RNF20: variants seen among roughly 807,000 people sequenced by gnomAD.
RNF20 encodes the protein E3 ubiquitin-protein ligase BRE1A.
A neutral mutation model predicts 126.2 loss-of-function variants in RNF20; 84 were observed. The ratio of observed to expected loss-of-function variants is 0.67; its 90% CI spans 0.56 to 0.80. RNF20 has a LOEUF of 0.80. Among genes scored for constraint, RNF20 ranks in the 30% least tolerant of loss-of-function variants. RNF20 has a pLI of 0.00. For synonymous variants in RNF20, 400 were observed against 414.3 expected (o/e 0.97, Z 0.42); for missense variants, 869 against 1,188.2 (o/e 0.73, Z 3.95).
chr9:101,554,949 T>G (rs1827510347), intron 15 of RNF20, 106 bp downstream of exon 15: 2 of 742,336 alleles, frequency 2.7e-6, no homozygotes, highest in Non-Finnish European at 3.9e-6. Flanking sequence ...TTTTGATTGT[T>G]AATGTGTATT....
At chr9:101,555,098 T>C (rs533944866) in intron 15 of RNF20, among the ~76,000 whole-genome samples, 1 of 152,260 alleles carries the variant, frequency 6.6e-6, no homozygotes, top group East Asian at 1.9e-4. Context: ...TTCTCTGCTG[T>C]TGTTCAGACA....
chr9:101,546,474 CA>C (rs1827349035), intron 6 of RNF20, among the ~76,000 whole-genome samples: 1 of 151,978 alleles, frequency 6.6e-6, no homozygotes, highest in South Asian at 2.1e-4. Context: ...TCTTACAAAA[CA>C]AAAGATACTA....
intron 16 of RNF20, among the ~76,000 whole-genome samples, chr9:101,559,735 T>C (rs1827596403): frequency 6.6e-6 from 1 of 152,194 alleles, no homozygotes; most frequent in South Asian, 2.1e-4. Context: ...GAGCTCTGAT[T>C]TGTGTACATT....
chr9:101,549,243 C>T (rs1827403009), intron 9 of RNF20, among the ~76,000 whole-genome samples: 1 of 152,188 alleles, frequency 6.6e-6, no homozygotes, highest in South Asian at 2.1e-4. Context: ...ATAAGGAGAG[C>T]AAGCCATCTC....
chr9:101,543,003 A>G (rs537347063), intron 5 of RNF20, among the ~76,000 whole-genome samples: 2 of 152,312 alleles, frequency 1.3e-5, no homozygotes, highest in East Asian at 1.9e-4. Context: ...ACATTCCTCA[A>G]ATTCCTAGGA....
chr9:101,556,827 G>GA (rs796400842), intron 15 of RNF20, among the ~76,000 whole-genome samples: 7 of 152,134 alleles, frequency 4.6e-5, no homozygotes, highest in South Asian at 2.1e-4. Context: ...CCAAAATAGG[G>GA]AAAAAAACTC....
At chr9:101,542,792 A>G (rs1273053374) in intron 5 of RNF20, among the ~76,000 whole-genome samples, 2 of 152,238 alleles carry the variant, frequency 1.3e-5, no homozygotes, top group African/African-American at 4.8e-5. Context: ...TAAAATTACT[A>G]TTTAATGGCA....
At chr9:101,544,617 A>C (rs1827317139) in intron 5 of RNF20, 150 bp from the exon 6 acceptor site, 1 of 541,418 alleles carries the variant, frequency 1.8e-6, no homozygotes, top group Admixed American at 3.0e-5. Flanking sequence ...GAGGCAGGAG[A>C]ATCGGCTCGA....
At chr9:101,555,037 A>C (rs1196455970) in intron 15 of RNF20, among the ~76,000 whole-genome samples, 194 bp downstream of exon 15, 2 of 151,910 alleles carry the variant, frequency 1.3e-5, no homozygotes, top group Non-Finnish European at 2.9e-5. Context: ...TGTATTTGTG[A>C]GGCAAGAAAT....
At position 101,540,657 on chromosome 9, in the gene RNF20, T is replaced by G. The variant is rs759536223; in HGVS notation, c.445+20T>G. ...AGAGAGGCAAGTGTTCGTGATGGAT[T>G]CTATCACTGCATGCTATCTGGGTTT... On this transcript the variant is annotated intron_variant, in intron 4 of 19. Coordinates refer to ENST00000389120, the MANE Select transcript of RNF20 (RefSeq NM_019592.7). 3.7e-6 allele frequency: 6 copies of G among 1,613,506 alleles called. No individual in the cohort carries two copies. Among genetic ancestry groups the G allele is most frequent in the Non-Finnish European group, 5.1e-6 (6 of 1,179,614 alleles).
rs761670513 is a variant in RNF20 at position 101,552,728 on chromosome 9, A to G, written c.1876A>G (p.Ile626Val). The G allele has an allele frequency of 6.2e-6, 10 of 1,607,904 alleles. No individual in the cohort carries two copies. The highest frequency in any genetic ancestry group is 8.5e-6 in the Non-Finnish European group (10 of 1,176,040). The change falls in exon 13 of 20, where the codon ATC becomes GTC. Residue 626 changes from isoleucine (I) to valine (V), a missense_variant. Around this residue, in one of 8 missense-constraint regions of RNF20, gnomAD observed 231 missense variants for 263.6 expected, o/e 0.88. Coordinates refer to ENST00000389120, the MANE Select transcript of RNF20 (RefSeq NM_019592.7). ...TGGACGGAAAAAGGAAGCAGAAATT[A>G]TCAAACAATTGAAGATTGAACTCAA... ...DDGRKKEAEI[I>V]KQLKIELKKA...
rs1056672439 is a variant in RNF20 at position 101,550,932 on chromosome 9, A to G, written c.1272+147A>G. 2.3e-5 allele frequency: 17 copies of G among 746,606 alleles called. No homozygotes were observed. The African/African-American group carries it at 2.8e-4, about 12-fold the overall frequency. 46.2% of individuals were successfully genotyped at this position (746,606 alleles called of 1,614,324 possible). A position where few individuals can be genotyped will look rare whatever the true frequency, so the allele number is the denominator to read the frequency against. On this transcript the variant is annotated intron_variant, in intron 10 of 19. Coordinates refer to ENST00000389120, the MANE Select transcript of RNF20 (RefSeq NM_019592.7). ...GTCTTTACTCTGGTAGGTACTGGGCATATAAAGATGAGATGACAAAATTCC... is the reference window on the plus strand; with the variant it reads ...GTCTTTACTCTGGTAGGTACTGGGCGTATAAAGATGAGATGACAAAATTCC...
chr9:101,547,236 A>T, intron 8 of RNF20, 22 bp downstream of exon 8: 1 of 1,613,054 alleles, frequency 6.2e-7, no homozygotes, highest in East Asian at 2.2e-5. Context: ...GACTCAGGAC[A>T]TGTTTTGGAC....
intron 4 of RNF20, 42 bp from the exon 5 acceptor site, chr9:101,540,751 T>C: frequency 6.3e-7 from 1 of 1,594,806 alleles, no homozygotes; most frequent in Non-Finnish European, 8.5e-7. Flanking sequence ...ATTTCCAGTT[T>C]ATAATTTTGG....
At chr9:101,544,697 A>G in intron 5 of RNF20, 70 bp from the exon 6 acceptor site, 1 of 1,035,270 alleles carries the variant, frequency 9.7e-7, no homozygotes, top group Non-Finnish European at 1.5e-6. Flanking sequence ...ATAGAGCAAG[A>G]CTCCGTCTTA....
Position 101,549,809 on chromosome 9 carries a change from G to T in RNF20, c.1093-797G>T, listed in dbSNP as rs191374826. Reference sequence around the variant, plus strand: ...TCAGCTCCTATCTCTGTATGGCCTGGTTTTTCCTAGGTTATGATTATAGAG... The same window carrying T: ...TCAGCTCCTATCTCTGTATGGCCTGTTTTTTCCTAGGTTATGATTATAGAG... On this transcript the variant is annotated intron_variant, in intron 9 of 19. Transcript: ENST00000389120. Among the ~76,000 whole-genome samples, 27 of 152,206 alleles carry T rather than the reference G, an allele frequency of 1.8e-4. 1 individual carries two copies. In the East Asian group the frequency reaches 4.1e-3, roughly 23 times the overall value.
chr9:101,547,621 T>C (rs1827373649), intron 9 of RNF20, 103 bp downstream of exon 9: 2 of 1,345,636 alleles, frequency 1.5e-6, no homozygotes, highest in East Asian at 2.4e-5. Context: ...ATAAGAAAAA[T>C]GTAGACAAAA....
At chr9:101,560,647 A>G (rs1827611133) in intron 16 of RNF20, 154 bp from the exon 17 acceptor site, 2 of 528,264 alleles carry the variant, frequency 3.8e-6, no homozygotes, top group Admixed American at 7.5e-5. Context: ...CAGTTATCAT[A>G]GTCTTGATGT....
Position 101,546,940 on chromosome 9 carries a change from C to T in RNF20, c.868C>T (p.Arg290Ter), listed in dbSNP as rs752508885. 4.3e-6 allele frequency: 7 copies of T among 1,613,930 alleles called. No individual in the cohort carries two copies. Among genetic ancestry groups the T allele is most frequent in the South Asian group, 1.1e-5 (1 of 91,074 alleles). ...TCGAAAGAGGGAACAGCGACTCAAC[C>T]GACACTTAGCAGAAGTCCTAGAACG... is the stretch of plus-strand genomic sequence containing the variant. ...KIRKREQRLN[R>*]HLAEVLERVN... The change falls in exon 7 of 20, where the codon CGA becomes TGA. Residue 290 changes from arginine to a stop codon, truncating the protein, a stop_gained. Transcript: ENST00000389120. LOFTEE classifies it high-confidence loss of function.
Sources: gnomAD v4.1 joint callset for allele counts (sites outside exome capture counted in the v4.1 genomes callset) on GRCh38, gnomAD v4.1.1 for gene constraint, gnomAD v4.1.1 regional missense constraint, MANE v1.5 for transcripts, NCBI Gene and HGNC (gene_info 2026-07-23, HGNC 2026-07-21) for gene names.